The following PTPN11 variants were observed in gnomAD, a reference collection of about 807,000 sequenced individuals.
The protein encoded by PTPN11 is protein tyrosine phosphatase non-receptor type 11.
A neutral mutation model predicts 78.8 loss-of-function variants in PTPN11; 6 were observed. That is an observed-to-expected ratio of 0.08 (90% CI 0.04 to 0.15). PTPN11 has a LOEUF of 0.15. Among genes scored for constraint, PTPN11 ranks in the 10% least tolerant of loss-of-function variants. The pLI is 1.00. For synonymous variants in PTPN11, 221 were observed against 263.5 expected, an observed-to-expected ratio of 0.84 and a Z score of 1.56; for missense variants, 386 against 744.8, an observed-to-expected ratio of 0.52 and a Z score of 5.61.
chr12:112,451,111 C>A (rs974890032), intron 3 of PTPN11, among the ~76,000 whole-genome samples: 1 of 152,134 alleles, frequency 6.6e-6, no homozygotes, highest in Non-Finnish European at 1.5e-5. Context: ...TGATTGTATT[C>A]GTTTTGTACA....
chr12:112,468,274 G>A (rs942439375), intron 6 of PTPN11, among the ~76,000 whole-genome samples: 2 of 152,166 alleles, frequency 1.3e-5, no homozygotes, highest in Non-Finnish European at 2.9e-5. Context: ...GACTGCTGGT[G>A]GGAGGGAGGT....
At chr12:112,431,627 C>T (rs1381279588) in intron 1 of PTPN11, among the ~76,000 whole-genome samples, 5 of 152,082 alleles carry the variant, frequency 3.3e-5, no homozygotes, top group Non-Finnish European at 7.4e-5. Context: ...AAATCGGAGA[C>T]GTGATCAGAG....
intron 13 of PTPN11, among the ~76,000 whole-genome samples, chr12:112,495,902 G>C (rs988848718): frequency 1.1e-4 from 17 of 151,970 alleles, no homozygotes; most frequent in African/African-American, 4.1e-4. Context: ...AAAACCATAA[G>C]GCAAACCATC....
intron 7 of PTPN11, among the ~76,000 whole-genome samples, 185 bp downstream of exon 7, chr12:112,473,225 C>T (rs1442931348): frequency 2.6e-5 from 4 of 152,064 alleles, no homozygotes; most frequent in Non-Finnish European, 2.9e-5. Flanking sequence ...ACTGAGCTCC[C>T]GTGATGCTGA....
intron 6 of PTPN11, among the ~76,000 whole-genome samples, chr12:112,465,338 G>A (rs1366217628): frequency 6.6e-6 from 1 of 151,844 alleles, no homozygotes; most frequent in African/African-American, 2.4e-5. Flanking sequence ...GGAGGCTAAG[G>A]CAGGGAGAAT....
chr12:112,504,669 T>C lies in PTPN11; in HGVS notation c.1713-26T>C. On this transcript the variant is annotated intron_variant, in intron 14 of 15. Transcript: ENST00000351677. This position sits in a 1 kb window ranked among gnomAD's most constrained non-coding sequence, Gnocchi z 4.7. ...ACAGCGTGGTCTACATTTTTGTAAA[T>C]GTCTTTCTTTTTCTTTTCTCTCCAG... The C allele has an allele frequency of 4.0e-6, 6 of 1,516,532 alleles. No homozygotes were observed. Among genetic ancestry groups the C allele is most frequent in the Non-Finnish European group, 5.5e-6 (6 of 1,094,460 alleles). 93.9% of individuals were successfully genotyped at this position (1,516,532 alleles called of 1,614,324 possible).
chr12:112,504,667 A>C lies in PTPN11; in HGVS notation c.1713-28A>C. The C allele has an allele frequency of 6.6e-7, 1 of 1,510,144 alleles. No homozygotes were observed. The highest frequency in any genetic ancestry group is 2.3e-5 in the East Asian group (1 of 43,950). The allele number at this position is 1,510,144 out of a possible 1,614,324, so 93.5% of individuals were successfully genotyped here. A position where few individuals can be genotyped will look rare whatever the true frequency, so the allele number is the denominator to read the frequency against. ...AAACAGCGTGGTCTACATTTTTGTA[A>C]ATGTCTTTCTTTTTCTTTTCTCTCC... On this transcript the variant is annotated intron_variant, in intron 14 of 15. Coordinates refer to ENST00000351677, the MANE Select transcript of PTPN11 (RefSeq NM_002834.5). The surrounding 1 kb of genome is among the most constrained non-coding windows in gnomAD (Gnocchi z 4.7).
At chr12:112,448,432 A>C (rs1197731736) in intron 2 of PTPN11, among the ~76,000 whole-genome samples, 1 of 150,978 alleles carries the variant, frequency 6.6e-6, no homozygotes, top group Non-Finnish European at 1.5e-5. Context: ...GTCCAGGCTA[A>C]TCTCCAACTC....
intron 13 of PTPN11, among the ~76,000 whole-genome samples, chr12:112,499,137 A>G (rs559365067): frequency 6.6e-5 from 10 of 152,304 alleles, no homozygotes; most frequent in African/African-American, 2.4e-4. Flanking sequence ...CAGTGGGTAT[A>G]TAGTTAACAA....
Position 112,504,848 on chromosome 12 carries a change from T to G in PTPN11, c.*32+52T>G. 2.5e-6 allele frequency: 3 copies of G among 1,198,388 alleles called. No homozygotes were observed. Among genetic ancestry groups the G allele is most frequent in the Non-Finnish European group, 3.7e-6 (3 of 819,974 alleles). The allele number at this position is 1,198,388 out of a possible 1,614,324, so 74.2% of individuals were successfully genotyped here. Reference sequence around the variant, plus strand: ...TTAATTGTTTATATAATTGGCAGTATTTTTAAGCAGGCAAGCAATTTGGGA... The same window carrying G: ...TTAATTGTTTATATAATTGGCAGTAGTTTTAAGCAGGCAAGCAATTTGGGA... On this transcript the variant is annotated intron_variant, in intron 15 of 15. Coordinates refer to ENST00000351677, the MANE Select transcript of PTPN11 (RefSeq NM_002834.5). This position sits in a 1 kb window ranked among gnomAD's most constrained non-coding sequence, Gnocchi z 4.7.
intron 1 of PTPN11, among the ~76,000 whole-genome samples, chr12:112,438,184 G>A (rs554256385): frequency 2.2e-4 from 33 of 152,240 alleles, no homozygotes; most frequent in African/African-American, 7.9e-4. Context: ...TTGCACAAAG[G>A]CTTGGAGTAG....
At position 112,454,641 on chromosome 12, in the gene PTPN11, T is replaced by C. The variant is rs2135869752; in HGVS notation, c.603T>C (p.Pro201=). Residue 201 remains proline (P), a synonymous_variant, in exon 5 of 16, where the codon CCT becomes CCC. Coordinates refer to ENST00000351677, the MANE Select transcript of PTPN11 (RefSeq NM_002834.5). ...TDLVEHYKKN[P]MVETLGTVLQ... is the part of the protein sequence containing the mutation. ...TTGTGGAACATTATAAGAAGAATCC[T>C]ATGGTGGAAACATTGGGTACAGTAC... 1 of 1,613,682 alleles carries C rather than the reference T, an allele frequency of 6.2e-7. No homozygotes were observed. Among genetic ancestry groups the C allele is most frequent in the Non-Finnish European group, 8.5e-7 (1 of 1,179,666 alleles).
intron 6 of PTPN11, among the ~76,000 whole-genome samples, chr12:112,469,739 T>C (rs1378693251): frequency 6.6e-6 from 1 of 152,144 alleles, no homozygotes; most frequent in Non-Finnish European, 1.5e-5. Context: ...GGTCTTGAAC[T>C]CCTGACCTCA....
chr12:112,470,813 A>G (rs941668009), intron 6 of PTPN11, among the ~76,000 whole-genome samples: 2 of 152,100 alleles, frequency 1.3e-5, no homozygotes, highest in Non-Finnish European at 2.9e-5. Context: ...AGTTGAAGTG[A>G]TTGATTCAGT....
At chr12:112,483,771 G>A (rs987912770) in intron 10 of PTPN11, among the ~76,000 whole-genome samples, 13 of 152,182 alleles carry the variant, frequency 8.5e-5, no homozygotes, top group African/African-American at 3.1e-4. Context: ...CTGACTGGAG[G>A]CAGACATGCA....
At position 112,419,145 on chromosome 12, in the gene PTPN11, C is replaced by G. The variant is rs1594119605; in HGVS notation, c.14+20C>G. 2.7e-6 allele frequency: 4 copies of G among 1,504,528 alleles called. 1 individual carries two copies. The South Asian group carries it at 5.0e-5, about 19-fold the overall frequency. The allele number at this position is 1,504,528 out of a possible 1,614,324, so 93.2% of individuals were successfully genotyped here. ...GCGGAGGTGAGGAGCCCCGAGGGGC[C>G]CGGCGCGGGCCTCGGCCCGGCCACC... On this transcript the variant is annotated intron_variant, in intron 1 of 15. Transcript: ENST00000351677.
intron 1 of PTPN11, among the ~76,000 whole-genome samples, chr12:112,435,809 T>C (rs1306936134): frequency 6.6e-6 from 1 of 152,026 alleles, no homozygotes; most frequent in Non-Finnish European, 1.5e-5. Context: ...TAGGAAACAA[T>C]CAGCAGATAT....
At position 112,446,241 on chromosome 12, in the gene PTPN11, G is replaced by T. The variant is rs1444005759; in HGVS notation, c.15-35G>T. 5 of 1,612,720 alleles carry T rather than the reference G, an allele frequency of 3.1e-6. No individual in the cohort carries two copies. The East Asian group carries it at 1.1e-4, about 36-fold the overall frequency. The stretch of plus-strand genomic sequence containing the variant: ...TGGAAAGTAGTGCTGACAGTGTCTT[G>T]TTTTTTTATTACTTACTTTGTCTTT... On this transcript the variant is annotated intron_variant, in intron 1 of 15. Transcript: ENST00000351677.
chr12:112,479,859 ACT>A (rs2038567618), intron 9 of PTPN11, among the ~76,000 whole-genome samples: 1 of 151,826 alleles, frequency 6.6e-6, no homozygotes, highest in Admixed American at 6.6e-5. Flanking sequence ...ACCATGTCCT[ACT>A]CTCTGCTCCC....
Sources: allele counts gnomAD v4.1 joint callset (sites outside exome capture counted in the v4.1 genomes callset), GRCh38; gene constraint gnomAD v4.1.1; non-coding constraint Gnocchi (gnomAD v3.1); transcripts MANE v1.5; gene names NCBI Gene and HGNC (gene_info 2026-07-23, HGNC 2026-07-21).